Variants in CBLB observed in about 807,000 individuals in gnomAD.
CBLB encodes Cbl proto-oncogene B, also known as E3 ubiquitin-protein ligase CBL-B.
Under a neutral mutation model 104.9 loss-of-function variants are expected in CBLB, and 31 were observed. The ratio of observed to expected loss-of-function variants is 0.30; its 90% CI spans 0.22 to 0.40. The LOEUF (loss-of-function observed/expected upper bound fraction) is 0.40. CBLB is among the 10% of genes least tolerant of loss of function. CBLB has a pLI of 1.00. For synonymous variants in CBLB, 440 were observed against 422.6 expected (o/e 1.04, Z -0.51); for missense variants, 1,062 against 1,214.6 (o/e 0.87, Z 1.87).
At chr3:105,766,592 A>G (rs2078251177) in intron 4 of CBLB, among the ~76,000 whole-genome samples, 1 of 152,154 alleles carries the variant, frequency 6.6e-6, no homozygotes, top group South Asian at 2.1e-4. Flanking sequence ...AAAGATTACA[A>G]CTCACTGAAG....
intron 3 of CBLB, among the ~76,000 whole-genome samples, chr3:105,805,403 C>G (rs1430081786): frequency 6.6e-6 from 1 of 151,424 alleles, no homozygotes; most frequent in African/African-American, 2.4e-5. Context: ...CTTCCAGGTT[C>G]AAGCGATTCC....
chr3:105,728,103 G>A (rs913250249), intron 9 of CBLB, among the ~76,000 whole-genome samples: 2 of 152,108 alleles, frequency 1.3e-5, no homozygotes, highest in Admixed American at 1.3e-4. Context: ...GTTTGATGGG[G>A]ATAGATTGAA....
At chr3:105,662,874 C>T (rs2063926158) in intron 18 of CBLB, among the ~76,000 whole-genome samples, 1 of 152,214 alleles carries the variant, frequency 6.6e-6, no homozygotes, top group Non-Finnish European at 1.5e-5. Context: ...CCGACCGCCA[C>T]TGCTACTACT....
intron 18 of CBLB, among the ~76,000 whole-genome samples, chr3:105,668,452 G>A (rs544892275): frequency 3.9e-5 from 6 of 152,172 alleles, no homozygotes; most frequent in Admixed American, 3.9e-4. Context: ...AGAGCTGGTG[G>A]TACTGAATAT....
chr3:105,670,348 G>C lies in CBLB; in HGVS notation c.2574C>G (p.Pro858=). 6.2e-7 allele frequency: 1 copy of C among 1,610,558 alleles called. No homozygotes were observed. The highest frequency in any genetic ancestry group is 8.5e-7 in the Non-Finnish European group (1 of 1,177,400). ...CTTGGCCACTTGCTAGATCAACAAA[G>C]GGATCTTAAAAATAAAAACAAGTTT... ...GQDLFLLPSD[P]FVDLASGQVP... Residue 858 remains proline, a synonymous_variant, in exon 18 of 19, where the codon CCC becomes CCG. Transcript: ENST00000394030.
intron 7 of CBLB, among the ~76,000 whole-genome samples, chr3:105,738,687 T>C (rs898251726): frequency 1.3e-5 from 2 of 152,078 alleles, no homozygotes; most frequent in Non-Finnish European, 2.9e-5. Flanking sequence ...GTTCTACTTA[T>C]AAATTCAAAC....
chr3:105,727,315 C>CT (rs2073787397), intron 9 of CBLB, among the ~76,000 whole-genome samples: 1 of 152,138 alleles, frequency 6.6e-6, no homozygotes, highest in Non-Finnish European at 1.5e-5. Context: ...TGATGATGAG[C>CT]TTTTTTTCAT....
chr3:105,813,652 A>G (rs1286748376), intron 3 of CBLB, among the ~76,000 whole-genome samples: 1 of 152,158 alleles, frequency 6.6e-6, no homozygotes, highest in Non-Finnish European at 1.5e-5. Flanking sequence ...CAAAACCAAT[A>G]CTGTATTTAT....
At chr3:105,702,492 A>AAAAAAAAAAAC in intron 11 of CBLB, 33 bp from the exon 12 acceptor site, 1 of 1,477,548 alleles carries the variant, frequency 6.8e-7, no homozygotes, top group South Asian at 1.3e-5. Context: ...AAAAAAAAAA[A>AAAAAAAAAAAC]AAAAAAACTA....
chr3:105,826,019 C>T (rs1992522), intron 3 of CBLB, among the ~76,000 whole-genome samples: 101,230 of 151,974 alleles, frequency 0.67, 34,846 homozygotes, highest in Middle Eastern at 0.8. Context: ...CAACTAAGCT[C>T]CTTAACAACA....
chr3:105,798,897 T>C (rs965920129), intron 3 of CBLB, among the ~76,000 whole-genome samples: 3 of 152,194 alleles, frequency 2.0e-5, no homozygotes, highest in African/African-American at 7.2e-5. Context: ...GCTGTTGTTC[T>C]GGATGGCAGG....
chr3:105,750,777 A>G (rs994169387), intron 5 of CBLB, among the ~76,000 whole-genome samples: 1 of 152,226 alleles, frequency 6.6e-6, no homozygotes. Flanking sequence ...TAAAGGGAAA[A>G]ACAATAAGCA....
At chr3:105,752,066 C>A (rs766456451) in intron 4 of CBLB, among the ~76,000 whole-genome samples, 4 of 152,006 alleles carry the variant, frequency 2.6e-5, no homozygotes, top group Non-Finnish European at 4.4e-5. Context: ...ATGTATCAAC[C>A]AATTCAAGAA....
At chr3:105,785,389 CTG>C (rs1017473445) in intron 3 of CBLB, among the ~76,000 whole-genome samples, 19 of 152,274 alleles carry the variant, frequency 1.2e-4, no homozygotes, top group Admixed American at 1.1e-3. Flanking sequence ...TATCTTTACT[CTG>C]TGAGTTCTGA....
At chr3:105,666,527 A>C (rs982924780) in intron 18 of CBLB, among the ~76,000 whole-genome samples, 1 of 152,126 alleles carries the variant, frequency 6.6e-6, no homozygotes, top group African/African-American at 2.4e-5. Flanking sequence ...CTCTACTAAA[A>C]ATACAAAAAT....
At chr3:105,709,386 C>G (rs2070727018) in intron 10 of CBLB, among the ~76,000 whole-genome samples, 1 of 151,714 alleles carries the variant, frequency 6.6e-6, no homozygotes, top group African/African-American at 2.4e-5. Context: ...TGTATCTTTT[C>G]AATTTTCTGT....
At chr3:105,807,058 C>T (rs1390496494) in intron 3 of CBLB, among the ~76,000 whole-genome samples, 1 of 152,060 alleles carries the variant, frequency 6.6e-6, no homozygotes, top group Non-Finnish European at 1.5e-5. Context: ...TTGAGTAACA[C>T]CAAACTAAAC....
Position 105,740,637 on chromosome 3 carries a change from A to G in CBLB, c.846-6T>C, listed in dbSNP as rs1374183325. The G allele has an allele frequency of 2.5e-5, 41 of 1,611,696 alleles. No individual in the cohort carries two copies. Among genetic ancestry groups the G allele is most frequent in the Non-Finnish European group, 3.3e-5 (39 of 1,177,988 alleles). On this transcript the variant is annotated splice_region_variant and splice_polypyrimidine_tract_variant and intron_variant, in intron 6 of 18. Coordinates refer to ENST00000394030, the MANE Select transcript of CBLB (RefSeq NM_170662.5). ...AACTTAACCGGAAAATATAGCTGCA[A>G]AACATAAGAAAATTACATCTAATTA...
chr3:105,852,290 G>A (rs1405349651), intron 3 of CBLB, among the ~76,000 whole-genome samples: 2 of 152,116 alleles, frequency 1.3e-5, no homozygotes, highest in Non-Finnish European at 2.9e-5. Flanking sequence ...TGACCTTCCA[G>A]TGGAATAAGA....
Sources: gnomAD v4.1 joint callset for allele counts (sites outside exome capture counted in the v4.1 genomes callset) on GRCh38, gnomAD v4.1.1 for gene constraint, MANE v1.5 for transcripts, NCBI Gene and HGNC (gene_info 2026-07-23, HGNC 2026-07-21) for gene names.